The following FASTKD1 variants were observed in gnomAD, a reference collection of about 807,000 sequenced individuals.
FASTKD1 encodes the protein FAST kinase domains 1.
A neutral mutation model predicts 90.9 loss-of-function variants in FASTKD1; 94 were observed. The observed-to-expected ratio is 1.03, with a 90% confidence interval of 0.88 to 1.23. The LOEUF (loss-of-function observed/expected upper bound fraction) is 1.23. Among genes scored for constraint, FASTKD1 ranks in the 50% most tolerant of loss-of-function variants. FASTKD1 has a pLI of 0.00. For synonymous variants in FASTKD1, 319 were observed against 345.8 expected (o/e 0.92, Z 0.86); for missense variants, 945 against 993.5 (o/e 0.95, Z 0.66).
At chr2:169,563,458 T>A (rs1017306044) in intron 3 of FASTKD1, 108 bp from the exon 4 acceptor site, 14 of 779,510 alleles carry the variant, frequency 1.8e-5, no homozygotes, top group Middle Eastern at 4.2e-4. Flanking sequence ...TTACATAAAA[T>A]TTTTTTTCTA....
chr2:169,540,348 G>A (rs899639543), intron 9 of FASTKD1, among the ~76,000 whole-genome samples, 169 bp from the exon 10 acceptor site: 4 of 152,178 alleles, frequency 2.6e-5, no homozygotes, highest in Non-Finnish European at 5.9e-5. Flanking sequence ...CTTTGGGTGT[G>A]AGCCAAGTAG....
rs762858956 is a variant in FASTKD1 at position 169,530,587 on chromosome 2, C to G, written c.2442G>C (p.Gln814His). The change falls in exon 14 of 15, where the codon CAG becomes CAC. Residue 814 changes from glutamine (Q) to histidine (H), a missense_variant and splice_region_variant. Gln to His is a conservative substitution (Grantham distance 24, BLOSUM62 0). Transcript: ENST00000453153. ...HLEILGYRVI[Q>H]ISQFEWNSMA... ...GCTGAATTACATGAGTATTTCATAC[C>G]TGAATTACACGATACCCCAGAATTT... is the stretch of plus-strand genomic sequence containing the variant. 6.4e-7 allele frequency: 1 copy of G among 1,571,210 alleles called. No individual in the cohort carries two copies. Among genetic ancestry groups the G allele is most frequent in the South Asian group, 1.2e-5 (1 of 86,460 alleles).
intron 10 of FASTKD1, among the ~76,000 whole-genome samples, chr2:169,539,413 C>A (rs1684870655): frequency 6.6e-6 from 1 of 152,038 alleles, no homozygotes; most frequent in African/African-American, 2.4e-5. Context: ...AGTTAGAGAC[C>A]AGCCTGGGCA....
chr2:169,570,595 T>C (rs1684189726), intron 2 of FASTKD1, among the ~76,000 whole-genome samples: 1 of 151,932 alleles, frequency 6.6e-6, no homozygotes, highest in Non-Finnish European at 1.5e-5. Context: ...ATATGTGCCG[T>C]CCATTTAATT....
At chr2:169,539,931 A>G (rs1001970301) in intron 10 of FASTKD1, 120 bp downstream of exon 10, 1 of 515,780 alleles carries the variant, frequency 1.9e-6, no homozygotes, top group African/African-American at 2.0e-5. Flanking sequence ...TACAATAAGC[A>G]TGAATACTAT....
At chr2:169,544,900 A>C (rs1685119756) in intron 8 of FASTKD1, 65 bp from the exon 9 acceptor site, 2 of 860,252 alleles carry the variant, frequency 2.3e-6, no homozygotes, top group Admixed American at 2.7e-5. Flanking sequence ...ATTTTAACCT[A>C]ATTATTTTTT....
Position 169,557,394 on chromosome 2 carries a change from A to AT in FASTKD1, c.972-98_972-97insA, listed in dbSNP as rs985399684. ...TTCTTGGGTAACAAATAGGAAAAAA[A>AT]ATATAAACAAAAACTGAATCCAATA... is the stretch of plus-strand genomic sequence containing the variant. On this transcript the variant is annotated intron_variant, in intron 5 of 14. Transcript: ENST00000453153. 2.9e-4 allele frequency: 175 copies of AT among 603,694 alleles called. 1 individual carries two copies. The highest frequency in any genetic ancestry group is 7.6e-4 in the South Asian group (38 of 50,088). 37.4% of individuals were successfully genotyped at this position (603,694 alleles called of 1,614,324 possible).
Position 169,531,456 on chromosome 2 carries a change from AG to A in FASTKD1, c.2222del (p.Pro741LeufsTer9). The stretch of plus-strand genomic sequence containing the variant: ...CTATATTATGGCTTCCATACGGAAG[AG>A]GTTTTTTTCTTTTATCCAAGATACA... ...FECILDKRKK[P>X]LPYGSHNIAL... On this transcript the variant is annotated frameshift_variant, in exon 13 of 15. Coordinates refer to ENST00000453153, the MANE Select transcript of FASTKD1 (RefSeq NM_024622.6). LOFTEE classifies it high-confidence loss of function. The A allele has an allele frequency of 6.2e-7, 1 of 1,610,358 alleles. No homozygotes were observed. The highest frequency in any genetic ancestry group is 8.5e-7 in the Non-Finnish European group (1 of 1,179,150).
At chr2:169,562,234 TTTGTTA>T (rs1559157943) in intron 4 of FASTKD1, among the ~76,000 whole-genome samples, 2 of 151,706 alleles carry the variant, frequency 1.3e-5, no homozygotes, top group Non-Finnish European at 2.9e-5. Flanking sequence ...TTTTTCGTTT[TTTGTTA>T]TTGTTGTTTT....
intron 9 of FASTKD1, among the ~76,000 whole-genome samples, chr2:169,541,984 G>A (rs1355010139): frequency 6.6e-6 from 1 of 152,010 alleles, no homozygotes; most frequent in Non-Finnish European, 1.5e-5. Context: ...CTCTTGACAT[G>A]CATCACTCTC....
chr2:169,555,313 T>C, intron 6 of FASTKD1, 58 bp from the exon 7 acceptor site: 5 of 1,453,522 alleles, frequency 3.4e-6, no homozygotes, highest in East Asian at 2.3e-5. Flanking sequence ...ACATTTACTA[T>C]GGTGCTTTCA....
At chr2:169,560,105 G>A (rs1683509443) in intron 5 of FASTKD1, among the ~76,000 whole-genome samples, 1 of 152,114 alleles carries the variant, frequency 6.6e-6, no homozygotes, top group African/African-American at 2.4e-5. Flanking sequence ...CAGTCATGTA[G>A]CACAAAAGGG....
chr2:169,530,922 T>G (rs1281080052), intron 13 of FASTKD1: 1 of 696,094 alleles, frequency 1.4e-6, no homozygotes, highest in East Asian at 2.8e-5. Context: ...ATCCATTTTT[T>G]TGGTCCAATA....
At chr2:169,542,198 G>A (rs76929360) in intron 9 of FASTKD1, among the ~76,000 whole-genome samples, 4,104 of 152,194 alleles carry the variant, frequency 0.027, 187 homozygotes, top group African/African-American at 0.093. Context: ...CTAACAGAAA[G>A]TAAACTCGAT....
chr2:169,554,813 T>A (rs1280598553), intron 7 of FASTKD1, among the ~76,000 whole-genome samples: 1 of 152,210 alleles, frequency 6.6e-6, no homozygotes, highest in Non-Finnish European at 1.5e-5. Context: ...AGTTTAACTT[T>A]CGTCAGCAGT....
intron 5 of FASTKD1, 139 bp from the exon 6 acceptor site, chr2:169,557,436 T>TC (rs1258311064): frequency 4.0e-6 from 2 of 495,388 alleles, no homozygotes; most frequent in Non-Finnish European, 7.1e-6. Context: ...TCTAGTGTTC[T>TC]CCCCACATTA....
At chr2:169,545,157 G>A (rs986086123) in intron 8 of FASTKD1, among the ~76,000 whole-genome samples, 2 of 152,150 alleles carry the variant, frequency 1.3e-5, no homozygotes, top group Admixed American at 1.3e-4. Context: ...GGCTGAGGTG[G>A]GAGGATTGCT....
intron 5 of FASTKD1, among the ~76,000 whole-genome samples, chr2:169,558,983 T>G (rs1235228061): frequency 6.6e-6 from 1 of 151,758 alleles, no homozygotes; most frequent in Non-Finnish European, 1.5e-5. Context: ...GTACTTTTTT[T>G]TTTTTTTTGA....
chr2:169,570,675 C>CT (rs371337071), intron 2 of FASTKD1, among the ~76,000 whole-genome samples: 88,985 of 134,752 alleles, frequency 0.66, 29,977 homozygotes, highest in East Asian at 0.78. Context: ...TTAGGCATTA[C>CT]TTTTTTTTTT....
Sources: gnomAD v4.1 joint callset for allele counts (sites outside exome capture counted in the v4.1 genomes callset) on GRCh38, gnomAD v4.1.1 for gene constraint, MANE v1.5 for transcripts, NCBI Gene and HGNC (gene_info 2026-07-23, HGNC 2026-07-21) for gene names.